The following APOBEC3F variants were observed in gnomAD, a reference collection of about 807,000 sequenced individuals.
APOBEC3F encodes the protein apolipoprotein B mRNA editing enzyme catalytic subunit 3F.
In APOBEC3F, 34 loss-of-function variants were observed where a neutral mutation model predicts 45.8. The ratio of observed to expected loss-of-function variants is 0.74; its 90% CI spans 0.57 to 0.99. APOBEC3F has a LOEUF of 0.99. Among genes scored for constraint, APOBEC3F ranks in the 50% least tolerant of loss-of-function variants. The probability of loss-of-function intolerance (pLI) is 0.00; values close to 1 mark genes in which losing one functional copy is unlikely to be tolerated. For missense variants in APOBEC3F, 459 were observed against 474.1 expected, an observed-to-expected ratio of 0.97 and a Z score of 0.30; for synonymous variants, 192 against 174.4, an observed-to-expected ratio of 1.10 and a Z score of -0.80.
chr22:39,045,404 C>G (rs1383449849), intron 3 of APOBEC3F, 24 bp from the exon 4 acceptor site: 9 of 1,613,930 alleles, frequency 5.6e-6, no homozygotes, highest in East Asian at 4.5e-5. Context: ...CAGAGCCTGA[C>G]TGCTTCCTGC....
intron 4 of APOBEC3F, among the ~76,000 whole-genome samples, chr22:39,046,083 C>A (rs1389128357): frequency 6.6e-6 from 1 of 152,154 alleles, no homozygotes; most frequent in Non-Finnish European, 1.5e-5. Flanking sequence ...GGGGTTGTGT[C>A]TTCTGCAGCT....
chr22:39,052,353 G>A lies in APOBEC3F; in HGVS notation c.1003G>A (p.Asp335Asn). ...CTCCGTGGAGATCATGGGCTACAAA[G>A]GTGAGACGTTGGGGGGCTGAGGAGA... is the stretch of plus-strand genomic sequence containing the variant. ...GASVEIMGYKDFKYCWENFVY... is the reference protein window; with the variant it reads ...GASVEIMGYKNFKYCWENFVY... The change falls in exon 6 of 7, where the codon GAT becomes AAT. Residue 335 changes from aspartate to asparagine, a missense_variant and splice_region_variant. By Grantham distance (23) the Asp-to-Asn change is conservative. Transcript: ENST00000308521. 6.2e-7 allele frequency: 1 copy of A among 1,613,968 alleles called. No individual in the cohort carries two copies. Among genetic ancestry groups the A allele is most frequent in the South Asian group, 1.1e-5 (1 of 91,080 alleles).
chr22:39,052,921 A>G lies in APOBEC3F; in HGVS notation c.*226A>G. On this transcript the variant is annotated 3_prime_UTR_variant, in exon 7 of 7. Coordinates refer to ENST00000308521, the MANE Select transcript of APOBEC3F (RefSeq NM_145298.6). Reference sequence around the variant, plus strand: ...CTCCATGGCTATCCATCCACCCACCAAGACCCTGTTCCCTGAGCCTGCATG... The same window carrying G: ...CTCCATGGCTATCCATCCACCCACCGAGACCCTGTTCCCTGAGCCTGCATG... 9.7e-7 allele frequency: 1 copy of G among 1,033,304 alleles called. No homozygotes were observed. The highest frequency in any genetic ancestry group is 1.3e-6 in the Non-Finnish European group (1 of 785,896). The allele number at this position is 1,033,304 out of a possible 1,614,324, so 64.0% of individuals were successfully genotyped here. A position where few individuals can be genotyped will look rare whatever the true frequency, so the allele number is the denominator to read the frequency against.
intron 3 of APOBEC3F, 35 bp from the exon 4 acceptor site, chr22:39,045,393 G>A: frequency 6.2e-7 from 1 of 1,613,938 alleles, no homozygotes. Flanking sequence ...CAGGGTCAGG[G>A]CAGAGCCTGA....
At position 39,044,922 on chromosome 22, in the gene APOBEC3F, C is replaced by A. The variant is rs566995083; in HGVS notation, c.172-19C>A. 2.9e-4 allele frequency: 472 copies of A among 1,608,400 alleles called. 8 individuals carry two copies. The South Asian group carries it at 4.4e-3, about 15-fold the overall frequency. On this transcript the variant is annotated intron_variant, in intron 2 of 6. Transcript: ENST00000308521. The stretch of plus-strand genomic sequence containing the variant: ...GCTCCCCCTCTCAGAGCATCCCCTG[C>A]CCCCTGCTCCTCTCCCAGGTGTATT...
At chr22:39,045,604 GCCTCCCCTGGCCAGGCCCTCCTGC>G in intron 4 of APOBEC3F, 62 bp downstream of exon 4, 1 of 1,608,580 alleles carries the variant, frequency 6.2e-7, no homozygotes. Context: ...TCCTCCTGAG[GCCTCCCCTGGCCAGGCCCTCCTGC>G]CCTCCGTCCT....
intron 4 of APOBEC3F, among the ~76,000 whole-genome samples, chr22:39,048,867 C>A (rs1025009044): frequency 2.0e-5 from 3 of 151,974 alleles, no homozygotes; most frequent in African/African-American, 7.3e-5. Flanking sequence ...AGCTCGTAAT[C>A]CCAGCTACTC....
Position 39,052,718 on chromosome 22 carries a change from T to A in APOBEC3F, c.*23T>A, listed in dbSNP as rs774196488. On this transcript the variant is annotated 3_prime_UTR_variant, in exon 7 of 7. Coordinates refer to ENST00000308521, the MANE Select transcript of APOBEC3F (RefSeq NM_145298.6). The stretch of plus-strand genomic sequence containing the variant: ...TGAGGGGTCTCCCCGGGCCTCATGG[T>A]CTGTCTCCTCTAGCCTCCTGCTCAT... The A allele has an allele frequency of 9.4e-6, 15 of 1,601,948 alleles. 1 individual carries two copies. The South Asian group carries it at 1.6e-4, about 17-fold the overall frequency.
At position 39,053,949 on chromosome 22, in the gene APOBEC3F, C is replaced by T. The variant is rs532566391; in HGVS notation, c.*1254C>T. ...TCGCAGCTATTCAGCAATGGAACCT[C>T]CCAGTTCCCAACCCTTCCTAGTGCC... On this transcript the variant is annotated 3_prime_UTR_variant, in exon 7 of 7. Transcript: ENST00000308521. 6.6e-6 allele frequency: 1 copy of T among 152,320 alleles called. No individual in the cohort carries two copies. Among genetic ancestry groups the T allele is most frequent in the East Asian group, 1.9e-4 (1 of 5,194 alleles). The allele number at this position is 152,320 out of a possible 1,614,324, so 9.4% of individuals were successfully genotyped here.
chr22:39,045,247 G>A (rs1443129160), intron 3 of APOBEC3F, 27 bp downstream of exon 3: 12 of 1,609,666 alleles, frequency 7.5e-6, no homozygotes, highest in East Asian at 2.2e-5. Flanking sequence ...TCAGGGGAGC[G>A]TGAGCGGGAG....
chr22:39,052,464 G>A (rs892305412), intron 6 of APOBEC3F, 111 bp downstream of exon 6: 338 of 1,571,976 alleles, frequency 2.2e-4, no homozygotes, highest in Non-Finnish European at 2.8e-4. Flanking sequence ...TGCAGGGATG[G>A]CGCCAGTGTC....
chr22:39,043,990 A>G, intron 2 of APOBEC3F: 1 of 1,441,252 alleles, frequency 6.9e-7, no homozygotes, highest in South Asian at 1.5e-5. Flanking sequence ...GCATCATTGC[A>G]CTCCAGCCTG....
At chr22:39,051,700 G>C (rs527565010) in intron 5 of APOBEC3F, among the ~76,000 whole-genome samples, 1 of 151,944 alleles carries the variant, frequency 6.6e-6, no homozygotes, top group African/African-American at 2.4e-5. Flanking sequence ...GCTCATAGTC[G>C]CAGAGTTTTG....
chr22:39,043,129 A>G (rs199641610), intron 2 of APOBEC3F, 39 bp downstream of exon 2: 55 of 1,610,524 alleles, frequency 3.4e-5, no homozygotes, highest in Non-Finnish European at 2.7e-5. Context: ...GGCAGGAGCT[A>G]AGCCAGCTGG....
intron 5 of APOBEC3F, 88 bp downstream of exon 5, chr22:39,049,669 C>T (rs1927389885): frequency 1.4e-6 from 2 of 1,397,446 alleles, no homozygotes; most frequent in Non-Finnish European, 2.0e-6. Context: ...CTGGCGTGGG[C>T]TTTCCTGTGT....
intron 5 of APOBEC3F, among the ~76,000 whole-genome samples, chr22:39,050,066 G>T (rs910175552): frequency 6.6e-6 from 1 of 151,840 alleles, no homozygotes; most frequent in Non-Finnish European, 1.5e-5. Context: ...GGATCAGATT[G>T]TCGAGGGGTT....
At position 39,052,138 on chromosome 22, in the gene APOBEC3F, T is replaced by C. The variant is rs1927519208; in HGVS notation, c.788T>C (p.Leu263Pro). Reference sequence around the variant, plus strand: ...CTCTCTTGGTTCTGTGACGACATACTGTCTCCTAACACAAACTACGAGGTC... The same window carrying C: ...CTCTCTTGGTTCTGTGACGACATACCGTCTCCTAACACAAACTACGAGGTC... ...CFLSWFCDDI[L>P]SPNTNYEVTW... The change falls in exon 6 of 7, where the codon CTG becomes CCG. Residue 263 changes from leucine to proline, a missense_variant. Physicochemically the swap from Leu to Pro is moderately conservative, Grantham distance 98. Transcript: ENST00000308521. 2.5e-6 allele frequency: 4 copies of C among 1,613,772 alleles called. No homozygotes were observed. Among genetic ancestry groups the C allele is most frequent in the East Asian group, 4.5e-5 (2 of 44,890 alleles).
chr22:39,051,051 A>T (rs1927458984), intron 5 of APOBEC3F, among the ~76,000 whole-genome samples: 1 of 152,086 alleles, frequency 6.6e-6, no homozygotes, highest in Non-Finnish European at 1.5e-5. Context: ...AGCCTGCCTA[A>T]CATGGTGAAA....
At chr22:39,047,079 G>A (rs1264893293) in intron 4 of APOBEC3F, among the ~76,000 whole-genome samples, 3 of 152,168 alleles carry the variant, frequency 2.0e-5, no homozygotes, top group Admixed American at 6.5e-5. Flanking sequence ...CAGCCTGCCA[G>A]GGAACAACTC....
Sources: gnomAD v4.1 joint callset for allele counts (sites outside exome capture counted in the v4.1 genomes callset) on GRCh38, gnomAD v4.1.1 for gene constraint, MANE v1.5 for transcripts, NCBI Gene and HGNC (gene_info 2026-07-23, HGNC 2026-07-21) for gene names.